LMF1: variants seen among roughly 807,000 people sequenced by gnomAD.
The protein encoded by LMF1 is lipase maturation factor 1, also known as transmembrane protein 112.
Under a neutral mutation model 60.6 loss-of-function variants are expected in LMF1, and 68 were observed. The ratio of observed to expected loss-of-function variants is 1.12; its 90% CI spans 0.92 to 1.37. The LOEUF is 1.37. Among genes scored for constraint, LMF1 ranks in the 40% most tolerant of loss-of-function variants. The probability of loss-of-function intolerance (pLI) is 0.00; values close to 1 mark genes in which losing one functional copy is unlikely to be tolerated. For synonymous variants in LMF1, 418 were observed against 324.7 expected, an observed-to-expected ratio of 1.29 and a Z score of -3.09; for missense variants, 948 against 767.2, an observed-to-expected ratio of 1.24 and a Z score of -2.78.
intron 4 of LMF1, among the ~76,000 whole-genome samples, chr16:895,893 G>A (rs1347682549): frequency 7.5e-6 from 1 of 134,190 alleles, no homozygotes; most frequent in Admixed American, 7.3e-5. Context: ...CAGGCTGCAC[G>A]GTCCACAGAC....
intron 3 of LMF1, among the ~76,000 whole-genome samples, chr16:921,407 G>A (rs970078347): frequency 6.6e-6 from 1 of 152,034 alleles, no homozygotes; most frequent in Admixed American, 6.5e-5. Flanking sequence ...CGTGGACAAG[G>A]CAGGCCCTGT....
intron 10 of LMF1, among the ~76,000 whole-genome samples, chr16:868,370 G>A (rs893037039): frequency 2.0e-5 from 3 of 152,158 alleles, no homozygotes; most frequent in Admixed American, 6.5e-5. Context: ...GCTCCCCTGC[G>A]TGGAGTCTGG....
In LMF1 at chr16:870,350, A is replaced by C. The variant is rs568358182; in HGVS notation, c.1233-284T>G. Among the ~76,000 whole-genome samples, 4 of 152,300 alleles carry C rather than the reference A, an allele frequency of 2.6e-5. No individual in the cohort carries two copies. In the South Asian group the frequency reaches 8.3e-4, roughly 32 times the overall value. On this transcript the variant is annotated intron_variant, in intron 8 of 10. Coordinates refer to ENST00000262301, the MANE Select transcript of LMF1 (RefSeq NM_022773.4). ...CCCTCGGCAGCTCAGGGTGGACATGAGGGGGACAGAGGCCAAGGGGCTGGC... is the reference window on the plus strand; with the variant it reads ...CCCTCGGCAGCTCAGGGTGGACATGCGGGGGACAGAGGCCAAGGGGCTGGC...
chr16:888,755 AG>A, intron 5 of LMF1, among the ~76,000 whole-genome samples: 1 of 151,962 alleles, frequency 6.6e-6, no homozygotes, highest in Non-Finnish European at 1.5e-5. Flanking sequence ...TCCTAGGTAC[AG>A]GGGGCAGTGT....
intron 4 of LMF1, among the ~76,000 whole-genome samples, chr16:895,556 G>A (rs1325270161): frequency 6.6e-6 from 1 of 152,198 alleles, no homozygotes; most frequent in Admixed American, 6.5e-5. Flanking sequence ...GTCTGTGCAG[G>A]ACGACCTGGG....
intron 5 of LMF1, among the ~76,000 whole-genome samples, chr16:885,568 G>A (rs553038925): frequency 2.6e-5 from 4 of 152,178 alleles, no homozygotes; most frequent in Non-Finnish European, 4.4e-5. Flanking sequence ...AAACACGAGC[G>A]ACGAGAAGGC....
At chr16:870,133 TG>T (rs553730849) in intron 8 of LMF1, 67 bp from the exon 9 acceptor site, 101 of 1,505,598 alleles carry the variant, frequency 6.7e-5, no homozygotes, top group Middle Eastern at 1.9e-4. Context: ...GGTGCATGGG[TG>T]GGGGGGGTTC....
intron 1 of LMF1, among the ~76,000 whole-genome samples, chr16:978,584 G>C (rs1394540636): frequency 1.3e-5 from 2 of 152,084 alleles, no homozygotes; most frequent in African/African-American, 4.8e-5. Flanking sequence ...GGCACTCACG[G>C]CCCAGGGGAC....
intron 1 of LMF1, among the ~76,000 whole-genome samples, chr16:958,609 G>A (rs893227831): frequency 6.6e-6 from 1 of 152,138 alleles, no homozygotes; most frequent in Non-Finnish European, 1.5e-5. Context: ...TGCCCAGGCC[G>A]GGCGCGGTGG....
chr16:876,320 C>T (rs1255973053), intron 6 of LMF1, among the ~76,000 whole-genome samples: 35 of 151,016 alleles, frequency 2.3e-4, no homozygotes, highest in South Asian at 2.2e-4. Context: ...ACCGTGGAGA[C>T]GGAGGGTCGG....
chr16:900,701 G>T (rs1375273783), intron 4 of LMF1: 1 of 149,410 alleles, frequency 6.7e-6, no homozygotes, highest in Non-Finnish European at 1.5e-5. Flanking sequence ...GTGTGTGTGT[G>T]TGTGTGTGTG....
intron 10 of LMF1, among the ~76,000 whole-genome samples, chr16:856,712 C>T (rs1360665792): frequency 6.6e-6 from 1 of 152,228 alleles, no homozygotes; most frequent in Non-Finnish European, 1.5e-5. Context: ...TGGGAAGGGG[C>T]CCCAGGCCCC....
At chr16:913,092 G>A (rs557938542) in intron 3 of LMF1, among the ~76,000 whole-genome samples, 2 of 152,210 alleles carry the variant, frequency 1.3e-5, no homozygotes, top group African/African-American at 2.4e-5. Flanking sequence ...TTCCCGTTGC[G>A]CAGCTGCACG....
At chr16:935,926 T>C (rs2071929491) in intron 2 of LMF1, among the ~76,000 whole-genome samples, 1 of 152,260 alleles carries the variant, frequency 6.6e-6, no homozygotes, top group Non-Finnish European at 1.5e-5. Flanking sequence ...GACAGAGTAC[T>C]GGAGGGCTCA....
intron 6 of LMF1, chr16:873,201 G>A (rs568845017): frequency 2.6e-5 from 4 of 152,432 alleles, no homozygotes; most frequent in East Asian, 1.9e-4. Context: ...TAGAGTGCAC[G>A]GCCTGAGCGC....
At position 875,244 on chromosome 16, in the gene LMF1, C is replaced by T. The variant is rs149012284; in HGVS notation, c.898-3903G>A. Among the ~76,000 whole-genome samples, 672 of 152,122 alleles carry T rather than the reference C, an allele frequency of 4.4e-3. 3 individuals are homozygous for T. Among genetic ancestry groups the T allele is most frequent in the African/African-American group, 0.015 (628 of 41,494 alleles). ...CCCTTTCAGCATCCCCACTGTCCAC[C>T]GCCACTCACCCCACCAGGCAGCGGA... On this transcript the variant is annotated intron_variant, in intron 6 of 10. Transcript: ENST00000262301.
intron 5 of LMF1, among the ~76,000 whole-genome samples, chr16:882,899 C>A (rs187319192): frequency 1.3e-5 from 2 of 150,348 alleles, no homozygotes; most frequent in Non-Finnish European, 2.9e-5. Context: ...CCCAGCGGAG[C>A]CCATCGCAGG....
At chr16:935,505 A>G (rs2071914246) in intron 2 of LMF1, among the ~76,000 whole-genome samples, 1 of 152,022 alleles carries the variant, frequency 6.6e-6, no homozygotes, top group African/African-American at 2.4e-5. Flanking sequence ...GTGGGCCACA[A>G]TGGAAGAAGA....
chr16:909,831 A>T (rs1358020923), intron 4 of LMF1, among the ~76,000 whole-genome samples: 1 of 152,208 alleles, frequency 6.6e-6, no homozygotes, highest in Non-Finnish European at 1.5e-5. Flanking sequence ...CCAGGGAGAG[A>T]AGAGGAACGT....
Sources: gnomAD v4.1 joint callset for allele counts (sites outside exome capture counted in the v4.1 genomes callset) on GRCh38, gnomAD v4.1.1 for gene constraint, MANE v1.5 for transcripts, NCBI Gene and HGNC (gene_info 2026-07-23, HGNC 2026-07-21) for gene names.